The following FAM162B variants were observed in gnomAD, a reference collection of about 807,000 sequenced individuals.
FAM162B encodes the protein protein FAM162B.
A neutral mutation model predicts 20.0 loss-of-function variants in FAM162B; 16 were observed. The observed-to-expected ratio is 0.80, with a 90% CI of 0.54 to 1.21. FAM162B has a LOEUF of 1.21. Ranked by LOEUF, FAM162B falls within the 50% of genes most tolerant of loss-of-function variation. The pLI, the probability that FAM162B is intolerant of heterozygous loss-of-function variation, is 0.00. For synonymous variants in FAM162B, 83 were observed against 89.7 expected, an observed-to-expected ratio of 0.93 and a Z score of 0.42; for missense variants, 260 against 227.5, an observed-to-expected ratio of 1.14 and a Z score of -0.92.
intron 2 of FAM162B, among the ~76,000 whole-genome samples, chr6:116,764,761 C>A (rs1260854363): frequency 1.3e-5 from 2 of 152,162 alleles, no homozygotes; most frequent in African/African-American, 2.4e-5. Context: ...GGGACGCCCC[C>A]GGCCAAAGCC....
At position 116,764,706 on chromosome 6, in the gene FAM162B, C is replaced by A. The variant is rs144567702; in HGVS notation, c.281+441G>T. Among the ~76,000 whole-genome samples the A allele has an allele frequency of 3.6e-3, 549 of 152,280 alleles. 3 individuals are homozygous for A. Among genetic ancestry groups the A allele is most frequent in the African/African-American group, 0.013 (527 of 41,546 alleles). ...TCCAGAGACCCCCCCGCCACAGCCG[C>A]CCCGCAAGCCAAGATCAGAGAACCC... On this transcript the variant is annotated intron_variant, in intron 2 of 3. Coordinates refer to ENST00000368557, the MANE Select transcript of FAM162B (RefSeq NM_001085480.3).
At chr6:116,753,469 G>A (rs1382765089) in intron 3 of FAM162B, among the ~76,000 whole-genome samples, 1 of 152,112 alleles carries the variant, frequency 6.6e-6, no homozygotes, top group Non-Finnish European at 1.5e-5. Context: ...TATTTTGAAA[G>A]TGGAGCCAAT....
Position 116,762,083 on chromosome 6 carries a change from G to T in FAM162B, c.284C>A (p.Pro95Gln). The T allele has an allele frequency of 6.4e-7, 1 of 1,567,504 alleles. No homozygotes were observed. The change falls in exon 3 of 4, where the codon CCA becomes CAA. Residue 95 changes from proline (P) to glutamine (Q), a missense_variant and splice_region_variant. By Grantham distance (76) the Pro-to-Gln change is moderately conservative. Transcript: ENST00000368557. Reference sequence around the variant, plus strand: ...GTTTCTTGCGGTGTCTATCATTTCTGGCCTAAACAAAGATGTGTATTTTGT... The same window carrying T: ...GTTTCTTGCGGTGTCTATCATTTCTTGCCTAAACAAAGATGTGTATTTTGT... Reference protein sequence around the residue: ...SMEEIPPRIPPEMIDTARNKA... With the variant: ...SMEEIPPRIPQEMIDTARNKA...
In FAM162B at chr6:116,752,572, G is replaced by A. The variant is rs548038462; in HGVS notation, c.*25C>T. 33 of 1,377,748 alleles carry A rather than the reference G, an allele frequency of 2.4e-5. No homozygotes were observed. In the South Asian group the frequency reaches 4.4e-4, roughly 18 times the overall value. 85.3% of individuals were successfully genotyped at this position (1,377,748 alleles called of 1,614,324 possible). Reference sequence around the variant, plus strand: ...TTGCTGATGACAGGGATGGTATTCAGGTGAACACTTTGTCACTTAGAATAT... The same window carrying A: ...TTGCTGATGACAGGGATGGTATTCAAGTGAACACTTTGTCACTTAGAATAT... On this transcript the variant is annotated 3_prime_UTR_variant, in exon 4 of 4. Coordinates refer to ENST00000368557, the MANE Select transcript of FAM162B (RefSeq NM_001085480.3).
In FAM162B at chr6:116,765,688, G is replaced by C; in HGVS notation, c.-112C>G. ...TGCCGCGCGCTGGAGAGCCTGGGAC[G>C]TGCAGCTGGAACCCCTGGCGCTCGC... On this transcript the variant is annotated 5_prime_UTR_variant, in exon 1 of 4. Transcript: ENST00000368557. The C allele has an allele frequency of 8.5e-7, 1 of 1,171,688 alleles. No homozygotes were observed. The highest frequency in any genetic ancestry group is 1.1e-6 in the Non-Finnish European group (1 of 932,776). The allele number at this position is 1,171,688 out of a possible 1,614,324, so 72.6% of individuals were successfully genotyped here.
chr6:116,765,341 G>C lies in FAM162B; in HGVS notation c.172+64C>G, dbSNP rs560555250. The C allele has an allele frequency of 1.6e-4, 241 of 1,527,838 alleles. 3 individuals carry two copies. The South Asian group carries it at 2.8e-3, about 18-fold the overall frequency. 94.6% of individuals were successfully genotyped at this position (1,527,838 alleles called of 1,614,324 possible). On this transcript the variant is annotated intron_variant, in intron 1 of 3. Transcript: ENST00000368557. ...CGCCCTCAAGCCGACTCCCGGGCCG[G>C]CCCCTCGCTGCCCTCCCGCAACCTC... is the stretch of plus-strand genomic sequence containing the variant.
intron 3 of FAM162B, 49 bp from the exon 4 acceptor site, chr6:116,752,744 A>G (rs752195746): frequency 6.2e-5 from 17 of 275,058 alleles, no homozygotes; most frequent in Non-Finnish European, 7.3e-5. Context: ...AGATACACGT[A>G]TATATATATA....
chr6:116,765,550 CAGT>C lies in FAM162B; in HGVS notation c.24_26del (p.Leu9del). The C allele has an allele frequency of 1.4e-6, 2 of 1,384,248 alleles. No individual in the cohort carries two copies. Among genetic ancestry groups the C allele is most frequent in the Non-Finnish European group, 1.9e-6 (2 of 1,077,784 alleles). 85.7% of individuals were successfully genotyped at this position (1,384,248 alleles called of 1,614,324 possible). A position where few individuals can be genotyped will look rare whatever the true frequency, so the allele number is the denominator to read the frequency against. On this transcript the variant is annotated inframe_deletion, in exon 1 of 4. Transcript: ENST00000368557. Reference sequence around the variant, plus strand: ...GGACTGTTAGCCCGCGGCCAAGGCGCAGTAGGCTCCCGACCGCCCTGAGCATGC... The same window carrying C: ...GGACTGTTAGCCCGCGGCCAAGGCGCAGGCTCCCGACCGCCCTGAGCATGC...
chr6:116,752,735 GATACACGTATATATATATATATAC>G, intron 3 of FAM162B, 40 bp from the exon 4 acceptor site: 1 of 473,370 alleles, frequency 2.1e-6, no homozygotes, highest in Non-Finnish European at 3.0e-6. Context: ...TATATATATA[GATACACGTATATATATATATATAC>G]ATATATGTAT....
chr6:116,759,301 T>TA (rs1780093087), intron 3 of FAM162B, among the ~76,000 whole-genome samples: 1 of 144,530 alleles, frequency 6.9e-6, no homozygotes, highest in South Asian at 2.3e-4. Context: ...CTTTCTTTCT[T>TA]TTTTTTTTTT....
chr6:116,755,883 G>A (rs1780045650), intron 3 of FAM162B, among the ~76,000 whole-genome samples: 1 of 152,048 alleles, frequency 6.6e-6, no homozygotes, highest in South Asian at 2.1e-4. Context: ...AATACTTTAA[G>A]CTCACTGTTG....
At chr6:116,754,596 C>T (rs1030712110) in intron 3 of FAM162B, among the ~76,000 whole-genome samples, 3 of 152,154 alleles carry the variant, frequency 2.0e-5, no homozygotes, top group African/African-American at 7.2e-5. Context: ...TTGGAGATAT[C>T]TTGAGGAACC....
In FAM162B at chr6:116,765,181, A is replaced by G. The variant is rs1771884290; in HGVS notation, c.247T>C (p.Phe83Leu). 6.2e-7 allele frequency: 1 copy of G among 1,613,654 alleles called. No homozygotes were observed. The highest frequency in any genetic ancestry group is 1.3e-5 in the African/African-American group (1 of 74,878). The change falls in exon 2 of 4, where the codon TTC (phenylalanine) becomes CTC (leucine). Residue 83 changes from phenylalanine to leucine, a missense_variant. Phe to Leu is a conservative substitution (Grantham distance 22). Transcript: ENST00000368557. ...GGCGGGATCTCCTCCATCGATTTGA[A>G]ACGCCCTGTCCACAGCAGGATTTTC... Reference protein sequence around the residue: ...DKKILLWTGRFKSMEEIPPRI... With the variant: ...DKKILLWTGRLKSMEEIPPRI...
chr6:116,759,178 T>C (rs1048562986), intron 3 of FAM162B, among the ~76,000 whole-genome samples: 2 of 152,022 alleles, frequency 1.3e-5, no homozygotes, highest in Non-Finnish European at 2.9e-5. Context: ...TTGTGGCCAC[T>C]GGTAGTGTTT....
At chr6:116,764,787 C>G (rs1461162530) in intron 2 of FAM162B, among the ~76,000 whole-genome samples, 1 of 152,174 alleles carries the variant, frequency 6.6e-6, no homozygotes, top group African/African-American at 2.4e-5. Flanking sequence ...TGCGGTCTGG[C>G]GTCCCGGCAG....
At chr6:116,762,319 T>C (rs1198956013) in intron 2 of FAM162B, among the ~76,000 whole-genome samples, 3 of 152,228 alleles carry the variant, frequency 2.0e-5, no homozygotes, top group Non-Finnish European at 4.4e-5. Context: ...AACCACTGTA[T>C]AGAATATTAG....
chr6:116,761,702 TTATA>T (rs987862180), intron 3 of FAM162B, among the ~76,000 whole-genome samples: 66 of 143,184 alleles, frequency 4.6e-4, no homozygotes, highest in Non-Finnish European at 8.2e-4. Context: ...ATATAAATAC[TTATA>T]TATATACTTG....
At chr6:116,762,141 G>T in intron 2 of FAM162B, 56 bp from the exon 3 acceptor site, 1 of 1,381,762 alleles carries the variant, frequency 7.2e-7, no homozygotes, top group Non-Finnish European at 9.8e-7. Flanking sequence ...TTTTCTGACA[G>T]GCATGATAGA....
intron 3 of FAM162B, among the ~76,000 whole-genome samples, chr6:116,757,359 C>G (rs1200729292): frequency 6.6e-6 from 1 of 152,098 alleles, no homozygotes; most frequent in African/African-American, 2.4e-5. Flanking sequence ...TGTATTGTTA[C>G]TATATGAAAA....
Sources: allele counts gnomAD v4.1 joint callset (sites outside exome capture counted in the v4.1 genomes callset), GRCh38; gene constraint gnomAD v4.1.1; transcripts MANE v1.5; gene names NCBI Gene and HGNC (gene_info 2026-07-23, HGNC 2026-07-21).